The following BBS7 variants were observed in gnomAD, a reference collection of about 807,000 sequenced individuals.
BBS7 encodes the protein BBSome complex member BBS7.
A neutral mutation model predicts 90.3 loss-of-function variants in BBS7; 50 were observed. The observed-to-expected ratio is 0.55, with a 90% CI of 0.44 to 0.70. The LOEUF (loss-of-function observed/expected upper bound fraction) is 0.70. Ranked by LOEUF, BBS7 falls within the 30% of genes least tolerant of loss-of-function variation. BBS7 has a pLI of 0.00. For synonymous variants in BBS7, 235 were observed against 287.4 expected (o/e 0.82, Z 1.85); for missense variants, 729 against 838.9 (o/e 0.87, Z 1.62).
chr4:121,838,259 G>A (rs990180360), intron 13 of BBS7, among the ~76,000 whole-genome samples: 1 of 151,144 alleles, frequency 6.6e-6, no homozygotes, highest in Non-Finnish European at 1.5e-5. Context: ...GTACATAAAA[G>A]GGAATGTATG....
chr4:121,842,999 G>A (rs1471950310), intron 12 of BBS7, among the ~76,000 whole-genome samples: 1 of 152,210 alleles, frequency 6.6e-6, no homozygotes, highest in African/African-American at 2.4e-5. Context: ...TAGAAAAAGT[G>A]GGGCAGGGCA....
At chr4:121,860,557 C>A (rs1478136064) in intron 4 of BBS7, among the ~76,000 whole-genome samples, 1 of 152,134 alleles carries the variant, frequency 6.6e-6, no homozygotes, top group African/African-American at 2.4e-5. Flanking sequence ...ACACTACTAT[C>A]CATATAACTG....
At chr4:121,867,571 T>C (rs953194636) in intron 2 of BBS7, among the ~76,000 whole-genome samples, 2 of 152,232 alleles carry the variant, frequency 1.3e-5, no homozygotes, top group African/African-American at 4.8e-5. Flanking sequence ...GTGGAAATCA[T>C]AGGATCAACA....
intron 8 of BBS7, 70 bp downstream of exon 8, chr4:121,852,886 T>C: frequency 6.7e-7 from 1 of 1,483,994 alleles, no homozygotes; most frequent in South Asian, 1.2e-5. Context: ...CTTAATAAAA[T>C]TCAAACCATC....
chr4:121,848,116 T>A (rs1265433493), intron 9 of BBS7, among the ~76,000 whole-genome samples: 1 of 152,172 alleles, frequency 6.6e-6, no homozygotes, highest in Non-Finnish European at 1.5e-5. Flanking sequence ...ATTTTATAAA[T>A]CAAGAAGCCT....
chr4:121,855,629 A>ATGTTATT, intron 5 of BBS7, 68 bp from the exon 6 acceptor site: 1 of 1,306,194 alleles, frequency 7.7e-7, no homozygotes, highest in Non-Finnish European at 1.1e-6. Context: ...TTCATGAATA[A>ATGTTATT]CATCAATATT....
intron 12 of BBS7, among the ~76,000 whole-genome samples, chr4:121,841,235 G>A (rs1342888208): frequency 6.6e-6 from 1 of 152,020 alleles, no homozygotes; most frequent in African/African-American, 2.4e-5. Context: ...AGGTTTGGGA[G>A]TGGGAAGGAG....
chr4:121,859,066 A>G lies in BBS7; in HGVS notation c.454T>C (p.Cys152Arg), dbSNP rs863224814. ...CGAGATAATCTTTCCACTGGAAGGC[A>G]GATCACATCATTGATTTTATCCCCA... The part of the protein sequence containing the change: ...LSGDKINDVI[C>R]LPVERLSRIT... Residue 152 changes from cysteine to arginine, a missense_variant, in exon 5 of 19, where the codon TGC (cysteine) becomes CGC (arginine). Coordinates refer to ENST00000264499, the MANE Select transcript of BBS7 (RefSeq NM_176824.3). The G allele has an allele frequency of 3.1e-6, 5 of 1,613,994 alleles. No homozygotes were observed. The highest frequency in any genetic ancestry group is 3.4e-6 in the Non-Finnish European group (4 of 1,179,892).
chr4:121,842,259 A>G (rs1725779393), intron 12 of BBS7, among the ~76,000 whole-genome samples: 1 of 150,024 alleles, frequency 6.7e-6, no homozygotes, highest in Admixed American at 6.6e-5. Flanking sequence ...CTCAAAAAAA[A>G]AAAAAAAAAA....
In BBS7 at chr4:121,847,399, G is replaced by A. The variant is rs749266895; in HGVS notation, c.1037+5C>T. ...TAAAAAAGCAAATAAAAAACTCAAA[G>A]TTACCGTAAGGAAGAAATTTTATTC... is the stretch of plus-strand genomic sequence containing the variant. On this transcript the variant is annotated splice_donor_5th_base_variant and intron_variant, in intron 10 of 18. Transcript: ENST00000264499. 18 of 1,597,232 alleles carry A rather than the reference G, an allele frequency of 1.1e-5. No individual in the cohort carries two copies. The highest frequency in any genetic ancestry group is 1.5e-5 in the Non-Finnish European group (18 of 1,165,304).
In BBS7 at chr4:121,858,223, C is replaced by T. The variant is rs144050620; in HGVS notation, c.528+769G>A. 2.1e-3 allele frequency among the ~76,000 whole-genome samples: 320 copies of T among 152,248 alleles called. 3 individuals carry two copies. Among genetic ancestry groups the T allele is most frequent in the African/African-American group, 7.2e-3 (300 of 41,524 alleles). On this transcript the variant is annotated intron_variant, in intron 5 of 18. Transcript: ENST00000264499. ...AAATGGCCATCTGACTATGGAATTC[C>T]AAAGAGTGAGATAGCCTGTGGTGGC...
chr4:121,835,851 C>T (rs1407673894), intron 13 of BBS7, among the ~76,000 whole-genome samples: 1 of 151,952 alleles, frequency 6.6e-6, no homozygotes, highest in African/African-American at 2.4e-5. Flanking sequence ...TCCTTATTCA[C>T]AAATTCAAAC....
At chr4:121,859,340 A>AT (rs1183135243) in intron 4 of BBS7, among the ~76,000 whole-genome samples, 162 bp from the exon 5 acceptor site, 1 of 152,168 alleles carries the variant, frequency 6.6e-6, no homozygotes, top group Admixed American at 6.6e-5. Flanking sequence ...TATTTTTGGT[A>AT]TAACACTGTT....
At chr4:121,850,904 C>T (rs536865231) in intron 8 of BBS7, among the ~76,000 whole-genome samples, 9 of 152,298 alleles carry the variant, frequency 5.9e-5, no homozygotes, top group African/African-American at 1.9e-4. Context: ...ATTCAAGTAA[C>T]AAAGGTTTGA....
chr4:121,832,009 A>AC (rs1725207388), intron 15 of BBS7, among the ~76,000 whole-genome samples: 5 of 142,872 alleles, frequency 3.5e-5, no homozygotes, highest in African/African-American at 8.0e-5. Flanking sequence ...AAAAAACAAA[A>AC]ACACACACAC....
chr4:121,843,870 C>A, intron 12 of BBS7, 57 bp downstream of exon 12: 1 of 1,172,060 alleles, frequency 8.5e-7, no homozygotes, highest in South Asian at 1.3e-5. Flanking sequence ...AGACTTTAAT[C>A]AAAATGGCAT....
intron 4 of BBS7, among the ~76,000 whole-genome samples, chr4:121,860,372 A>G (rs552186172): frequency 6.6e-6 from 1 of 152,198 alleles, no homozygotes; most frequent in South Asian, 2.1e-4. Context: ...TCCTTACTGA[A>G]TATCTTCAAG....
Position 121,828,677 on chromosome 4 carries a change from T to C in BBS7, c.1728A>G (p.Leu576=). The C allele has an allele frequency of 1.2e-6, 2 of 1,610,310 alleles. No individual in the cohort carries two copies. The highest frequency in any genetic ancestry group is 2.2e-5 in the South Asian group (2 of 90,726). ...TAGCTTCTTTAGAAAGCACATCTTT[T>C]AGGATGGAGATAGTAGAAATGTTGT... is the stretch of plus-strand genomic sequence containing the variant. ...KSDNISTISI[L]KDVLSKEATK... The change falls in exon 16 of 19, where the codon CTA becomes CTG. Residue 576 remains leucine, a synonymous_variant. Transcript: ENST00000264499.
In BBS7 at chr4:121,828,739, A is replaced by C. The variant is rs1199313296; in HGVS notation, c.1677-11T>G. On this transcript the variant is annotated splice_polypyrimidine_tract_variant and intron_variant, in intron 15 of 18. Transcript: ENST00000264499. ...ACTCCCTCTCCTTTTCTATAAAATTAATATATTTTTTAAAAGAATAGCTGT... is the reference window on the plus strand; with the variant it reads ...ACTCCCTCTCCTTTTCTATAAAATTCATATATTTTTTAAAAGAATAGCTGT... 1 of 1,448,794 alleles carries C rather than the reference A, an allele frequency of 6.9e-7. No homozygotes were observed. The highest frequency in any genetic ancestry group is 9.5e-7 in the Non-Finnish European group (1 of 1,049,666). The allele number at this position is 1,448,794 out of a possible 1,614,324, so 89.7% of individuals were successfully genotyped here. A position where few individuals can be genotyped will look rare whatever the true frequency, so the allele number is the denominator to read the frequency against.
Sources: allele counts gnomAD v4.1 joint callset (sites outside exome capture counted in the v4.1 genomes callset), GRCh38; gene constraint gnomAD v4.1.1; transcripts MANE v1.5; gene names NCBI Gene and HGNC (gene_info 2026-07-23, HGNC 2026-07-21).